Variants in PCNT observed in about 807,000 individuals in gnomAD.
PCNT encodes pericentrin, also known as kendrin.
In PCNT, 319 loss-of-function variants were observed where a neutral mutation model predicts 380.4. The ratio of observed to expected loss-of-function variants is 0.84; its 90% CI spans 0.77 to 0.92. The LOEUF (loss-of-function observed/expected upper bound fraction) is 0.92, where lower values mean the gene tolerates loss of function less well. Ranked by LOEUF, PCNT falls within the 40% of genes least tolerant of loss-of-function variation. The probability of loss-of-function intolerance (pLI) is 0.00; values close to 1 mark genes in which losing one functional copy is unlikely to be tolerated. For missense variants in PCNT, 4,400 were observed against 4,255.3 expected (o/e 1.03, Z -0.95); for synonymous variants, 1,845 against 1,735.2 (o/e 1.06, Z -1.57).
rs560224916 is a variant in PCNT at position 46,388,224 on chromosome 21, A to G, written c.3465-518A>G. 9.3e-5 allele frequency among the ~76,000 whole-genome samples: 14 copies of G among 150,928 alleles called. No individual in the cohort carries two copies. Among genetic ancestry groups the G allele is most frequent in the African/African-American group, 2.9e-4 (12 of 41,216 alleles). ...GACTCCATCTCAAAAAAAAAAAAAGACAGAAGCATCCCAGACCGCACGTCC... is the reference window on the plus strand; with the variant it reads ...GACTCCATCTCAAAAAAAAAAAAAGGCAGAAGCATCCCAGACCGCACGTCC... On this transcript the variant is annotated intron_variant, in intron 17 of 46. Coordinates refer to ENST00000359568, the MANE Select transcript of PCNT (RefSeq NM_006031.6). The surrounding 1 kb of genome is among the most constrained non-coding windows in gnomAD (Gnocchi z 4.2).
chr21:46,439,966 T>C, intron 41 of PCNT, 117 bp from the exon 42 acceptor site: 1 of 1,192,634 alleles, frequency 8.4e-7, no homozygotes, highest in East Asian at 2.3e-5. Flanking sequence ...AGGTGTGGTG[T>C]GGTCAGCCTG....
At chr21:46,354,299 G>A (rs1170440173) in intron 11 of PCNT, among the ~76,000 whole-genome samples, 3 of 152,232 alleles carry the variant, frequency 2.0e-5, no homozygotes, top group African/African-American at 7.2e-5. Flanking sequence ...CCTCAGCCCT[G>A]GGATGCCCTG....
chr21:46,439,464 C>T (rs1208273219), intron 41 of PCNT, among the ~76,000 whole-genome samples: 1 of 152,208 alleles, frequency 6.6e-6, no homozygotes, highest in African/African-American at 2.4e-5. Context: ...GCCTCCTGAC[C>T]TGCAGTGGTG....
chr21:46,432,324 T>C, intron 38 of PCNT, 109 bp downstream of exon 38: 1 of 1,027,358 alleles, frequency 9.7e-7, no homozygotes, highest in Admixed American at 2.0e-5. Flanking sequence ...TCTGACCTGG[T>C]CTGCTCTGGT....
At position 46,429,993 on chromosome 21, in the gene PCNT, T is replaced by G; in HGVS notation, c.7691-17T>G. ...GGAGCTCATGGGGGCCTGTTACTGT[T>G]CTTTTGTCTTTCTCAGTTGAACTGC... is the stretch of plus-strand genomic sequence containing the variant. On this transcript the variant is annotated splice_polypyrimidine_tract_variant and intron_variant, in intron 35 of 46. Transcript: ENST00000359568. The G allele has an allele frequency of 6.2e-7, 1 of 1,610,372 alleles. No individual in the cohort carries two copies. Among genetic ancestry groups the G allele is most frequent in the Non-Finnish European group, 8.5e-7 (1 of 1,176,624 alleles).
chr21:46,405,940 A>C (rs1601984340), intron 27 of PCNT, among the ~76,000 whole-genome samples: 1 of 152,056 alleles, frequency 6.6e-6, no homozygotes, highest in East Asian at 1.9e-4. Flanking sequence ...TACATCCTTC[A>C]TTTTCTGTAA....
intron 16 of PCNT, among the ~76,000 whole-genome samples, chr21:46,383,427 A>C (rs373671431): frequency 8.7e-6 from 1 of 114,520 alleles, no homozygotes; most frequent in African/African-American, 3.4e-5. Context: ...ATTCAGTGGC[A>C]GAAGCGCATT....
At chr21:46,384,073 A>G (rs2085718921) in intron 16 of PCNT, among the ~76,000 whole-genome samples, 1 of 145,736 alleles carries the variant, frequency 6.9e-6, no homozygotes, top group African/African-American at 2.5e-5. Context: ...CAGCAGCGGA[A>G]GCGCATTCAC....
chr21:46,399,514 G>A, intron 24 of PCNT, 76 bp from the exon 25 acceptor site: 1 of 1,082,898 alleles, frequency 9.2e-7, no homozygotes, highest in Non-Finnish European at 1.4e-6. Flanking sequence ...CTGTTGTTTT[G>A]GGTACTTTTT....
chr21:46,428,380 C>T lies in PCNT; in HGVS notation c.7495-15C>T. ...CTGCCCAATGCTCAGGCTGCTTGTCCCATTGTGCCCCCAGGGAGACCTGCA... is the reference window on the plus strand; with the variant it reads ...CTGCCCAATGCTCAGGCTGCTTGTCTCATTGTGCCCCCAGGGAGACCTGCA... On this transcript the variant is annotated splice_polypyrimidine_tract_variant and intron_variant, in intron 34 of 46. Coordinates refer to ENST00000359568, the MANE Select transcript of PCNT (RefSeq NM_006031.6). 1 of 1,610,492 alleles carries T rather than the reference C, an allele frequency of 6.2e-7. No individual in the cohort carries two copies. The highest frequency in any genetic ancestry group is 8.5e-7 in the Non-Finnish European group (1 of 1,178,804).
intron 25 of PCNT, among the ~76,000 whole-genome samples, chr21:46,401,128 G>A (rs774925455): frequency 9.8e-5 from 15 of 152,312 alleles, no homozygotes; most frequent in Non-Finnish European, 1.9e-4. Flanking sequence ...ATGCTCTTGC[G>A]CATGTAACGT....
chr21:46,361,864 C>T (rs1004328574), intron 13 of PCNT, among the ~76,000 whole-genome samples: 2 of 151,988 alleles, frequency 1.3e-5, no homozygotes, highest in African/African-American at 2.4e-5. Flanking sequence ...GTTTAAAATC[C>T]TTCTCTGCAG....
At position 46,367,085 on chromosome 21, in the gene PCNT, A is replaced by G; in HGVS notation, c.3111A>G (p.Glu1037=). 3 of 1,613,786 alleles carry G rather than the reference A, an allele frequency of 1.9e-6. No individual in the cohort carries two copies. Among genetic ancestry groups the G allele is most frequent in the Non-Finnish European group, 2.5e-6 (3 of 1,179,992 alleles). Residue 1037 remains glutamate (E), a synonymous_variant, in exon 15 of 47, where the codon GAA becomes GAG. Transcript: ENST00000359568. ...LQSVRDHLRT[E]VSTELAGTVA... Reference sequence around the variant, plus strand: ...CTGTGCGGGACCACCTGCGAACCGAAGTGAGCACAGAGCTCGCCGGAACCG... The same window carrying G: ...CTGTGCGGGACCACCTGCGAACCGAGGTGAGCACAGAGCTCGCCGGAACCG...
At chr21:46,419,945 C>G (rs1462655929) in intron 31 of PCNT, among the ~76,000 whole-genome samples, 1 of 152,234 alleles carries the variant, frequency 6.6e-6, no homozygotes, top group East Asian at 1.9e-4. Flanking sequence ...CCAGAAGCCT[C>G]TGTAGAAAAG....
chr21:46,436,243 C>A (rs2053443544), intron 39 of PCNT, 95 bp downstream of exon 39: 2 of 1,420,506 alleles, frequency 1.4e-6, no homozygotes, highest in Non-Finnish European at 1.9e-6. Context: ...TGGTGTGAGG[C>A]CCCTGCTCCT....
chr21:46,435,831 C>T (rs531511656), intron 38 of PCNT, 73 bp from the exon 39 acceptor site: 131 of 1,588,474 alleles, frequency 8.2e-5, no homozygotes, highest in African/African-American at 6.7e-4. Context: ...CATGAACCAC[C>T]GCGCCCGGCC....
intron 15 of PCNT, among the ~76,000 whole-genome samples, chr21:46,371,916 A>G (rs1283156563): frequency 1.3e-5 from 2 of 151,194 alleles, no homozygotes; most frequent in African/African-American, 4.9e-5. Flanking sequence ...ACATGTGCGC[A>G]CACAGCACAT....
chr21:46,329,747 A>G (rs1419500798), intron 2 of PCNT, among the ~76,000 whole-genome samples: 1 of 152,236 alleles, frequency 6.6e-6, no homozygotes, highest in African/African-American at 2.4e-5. Context: ...AAGGTAAAGC[A>G]TTCTGTTACT....
chr21:46,369,953 C>T (rs909367095), intron 15 of PCNT, among the ~76,000 whole-genome samples: 7 of 152,122 alleles, frequency 4.6e-5, no homozygotes, highest in African/African-American at 9.7e-5. Flanking sequence ...CTGGAGGAGC[C>T]GGGGGAGCCG....
Sources: allele counts gnomAD v4.1 joint callset (sites outside exome capture counted in the v4.1 genomes callset), GRCh38; gene constraint gnomAD v4.1.1; non-coding constraint Gnocchi (gnomAD v3.1); transcripts MANE v1.5; gene names NCBI Gene and HGNC (gene_info 2026-07-23, HGNC 2026-07-21).